Variants in IFT122 observed in about 807,000 individuals in gnomAD.
IFT122 encodes the protein intraflagellar transport protein 122 homolog.
A neutral mutation model predicts 161.6 loss-of-function variants in IFT122; 118 were observed. That is an observed-to-expected ratio of 0.73 (90% CI 0.63 to 0.85). IFT122 has a LOEUF of 0.85. IFT122 is among the 40% of genes least tolerant of loss of function. The pLI is 0.00. For missense variants in IFT122, 1,381 were observed against 1,579.6 expected (o/e 0.87, Z 2.13); for synonymous variants, 550 against 602.4 (o/e 0.91, Z 1.27).
chr3:129,516,933 C>CAT (rs2083891729), intron 26 of IFT122, among the ~76,000 whole-genome samples: 1 of 137,102 alleles, frequency 7.3e-6, no homozygotes. Context: ...CACACGGAGA[C>CAT]TGCCCCTGCA....
At chr3:129,505,073 A>AT (rs1559988169) in intron 21 of IFT122, among the ~76,000 whole-genome samples, 1 of 152,216 alleles carries the variant, frequency 6.6e-6, no homozygotes, top group Admixed American at 6.5e-5. Context: ...TATTAATCAT[A>AT]TTTTTTAAAG....
At chr3:129,475,166 A>G (rs1559902785) in intron 9 of IFT122, among the ~76,000 whole-genome samples, 2 of 152,182 alleles carry the variant, frequency 1.3e-5, no homozygotes, top group East Asian at 1.9e-4. Flanking sequence ...TCTGTGGCCA[A>G]TAAGCACATG....
At chr3:129,514,075 T>G in intron 24 of IFT122, 1 of 418,118 alleles carries the variant, frequency 2.4e-6, no homozygotes, top group Non-Finnish European at 4.6e-6. Context: ...GCTGGCAGGT[T>G]TGGTGAGGCA....
At position 129,476,445 on chromosome 3, in the gene IFT122, CTG is replaced by C; in HGVS notation, c.949_950del (p.Val317TrpfsTer51). On this transcript the variant is annotated frameshift_variant, in exon 10 of 30. Transcript: ENST00000348417. LOFTEE classifies it high-confidence loss of function. ...ACCAAGGATGGAGTGCGGCTTGGGA[CTG>C]TTGGGGAGCAGAACTCCTGGGTGTG... The C allele has an allele frequency of 6.2e-7, 1 of 1,614,086 alleles. No individual in the cohort carries two copies. Among genetic ancestry groups the C allele is most frequent in the Non-Finnish European group, 8.5e-7 (1 of 1,180,032 alleles).
rs1034202604 is a variant in IFT122, at chr3:129,519,445, T to A, written c.3472-123T>A. 36 of 1,350,798 alleles carry A rather than the reference T, an allele frequency of 2.7e-5. No homozygotes were observed. In the Admixed American group the frequency reaches 4.1e-4, roughly 15 times the overall value. The allele number at this position is 1,350,798 out of a possible 1,614,324, so 83.7% of individuals were successfully genotyped here. On this transcript the variant is annotated intron_variant, in intron 28 of 29. Coordinates refer to ENST00000348417, the MANE Select transcript of IFT122 (RefSeq NM_052989.3). ...TGGGAGGAGCTTGCCACTGTTAGGGTCACCTGGGTTTAGGAAGCAGGTCCT... is the reference window on the plus strand; with the variant it reads ...TGGGAGGAGCTTGCCACTGTTAGGGACACCTGGGTTTAGGAAGCAGGTCCT...
chr3:129,503,451 A>G (rs922650825), intron 20 of IFT122, among the ~76,000 whole-genome samples: 8 of 152,164 alleles, frequency 5.3e-5, no homozygotes, highest in Non-Finnish European at 1.2e-4. Context: ...TCAGGCTGGC[A>G]GAAGCAGCTG....
chr3:129,446,672 T>C (rs1036736121), intron 1 of IFT122, among the ~76,000 whole-genome samples: 3 of 152,200 alleles, frequency 2.0e-5, no homozygotes, highest in African/African-American at 7.2e-5. Context: ...CACTAAAATG[T>C]GTCAAACCGA....
intron 4 of IFT122, chr3:129,459,273 C>T (rs1343243443): frequency 2.2e-6 from 1 of 452,864 alleles, no homozygotes; most frequent in African/African-American, 2.0e-5. Context: ...AGAACAGATA[C>T]TGCATCTATT....
intron 13 of IFT122, 118 bp downstream of exon 13, chr3:129,480,040 T>C: frequency 7.8e-7 from 1 of 1,278,858 alleles, no homozygotes; most frequent in Non-Finnish European, 1.1e-6. Flanking sequence ...CTCTCCTCCA[T>C]GGGTGAATTG....
chr3:129,502,745 G>A lies in IFT122; in HGVS notation c.2410G>A (p.Glu804Lys), dbSNP rs1459993591. Residue 804 changes from glutamate (E) to lysine (K), a missense_variant, in exon 20 of 30, where the codon GAG (glutamate) becomes AAG (lysine). Around this residue, in one of 7 missense-constraint regions of IFT122, gnomAD observed 496 missense variants for 502.5 expected, o/e 0.99. Coordinates refer to ENST00000348417, the MANE Select transcript of IFT122 (RefSeq NM_052989.3). ...IDIARKLDKAEREPLLLCATY... is the reference protein window; with the variant it reads ...IDIARKLDKAKREPLLLCATY... ...CATCGCCCGCAAACTGGACAAGGCT[G>A]AGCGCGAGCCCCTGCTGCTGTGCGC... 6.2e-6 allele frequency: 10 copies of A among 1,610,678 alleles called. No homozygotes were observed. The highest frequency in any genetic ancestry group is 8.5e-6 in the Non-Finnish European group (10 of 1,180,022).
intron 21 of IFT122, among the ~76,000 whole-genome samples, chr3:129,505,053 T>C (rs2082049307): frequency 6.6e-6 from 1 of 152,210 alleles, no homozygotes; most frequent in Non-Finnish European, 1.5e-5. Context: ...TATAGAACTT[T>C]CGCTGATGTT....
intron 7 of IFT122, among the ~76,000 whole-genome samples, chr3:129,466,226 G>A (rs1176494891): frequency 6.6e-6 from 1 of 152,162 alleles, no homozygotes; most frequent in Non-Finnish European, 1.5e-5. Context: ...TTTACAGATG[G>A]TTGCCTACTT....
chr3:129,463,652 T>G (rs1577392709), intron 6 of IFT122, 26 bp downstream of exon 6: 3 of 1,569,912 alleles, frequency 1.9e-6, no homozygotes, highest in Non-Finnish European at 2.6e-6. Flanking sequence ...ACGATAAGAT[T>G]TATGTTCCTT....
Position 129,507,684 on chromosome 3 carries a change from C to T in IFT122, c.2808C>T (p.Asp936=). The T allele has an allele frequency of 6.2e-7, 1 of 1,614,118 alleles. No homozygotes were observed. Among genetic ancestry groups the T allele is most frequent in the Non-Finnish European group, 8.5e-7 (1 of 1,179,952 alleles). The change falls in exon 23 of 30, where the codon GAC becomes GAT. Residue 936 remains aspartate (D), a synonymous_variant. Transcript: ENST00000348417. The part of the protein sequence containing the change: ...LDIAQDPAQK[D]TMLGKFYHFQ... ...ACACAGCAGATCCTGCCCAGAAGGACACAATGCTTGGCAAGTTCTACCACT... is the reference window on the plus strand; with the variant it reads ...ACACAGCAGATCCTGCCCAGAAGGATACAATGCTTGGCAAGTTCTACCACT...
chr3:129,505,128 A>G lies in IFT122; in HGVS notation c.2650+707A>G, dbSNP rs566687266. On this transcript the variant is annotated intron_variant, in intron 21 of 29. Transcript: ENST00000348417. ...CAGGCCCTGGCTGAGCACTTAACCT[A>G]TGTAACCTTGAATCTTGCCAACAGC... Among the ~76,000 whole-genome samples, 3 of 152,282 alleles carry G rather than the reference A, an allele frequency of 2.0e-5. No homozygotes were observed. In the East Asian group the frequency reaches 5.8e-4, roughly 29 times the overall value.
intron 13 of IFT122, among the ~76,000 whole-genome samples, chr3:129,480,696 A>G (rs144627355): frequency 2.6e-5 from 4 of 152,190 alleles, no homozygotes; most frequent in East Asian, 3.9e-4. Flanking sequence ...AGCATGGACT[A>G]TGGGGTCAGG....
intron 14 of IFT122, 139 bp from the exon 15 acceptor site, chr3:129,483,346 C>T: frequency 1.3e-6 from 1 of 752,114 alleles, no homozygotes; most frequent in Non-Finnish European, 2.4e-6. Flanking sequence ...TTTGTGGTCC[C>T]CTTTCATCCT....
chr3:129,495,685 C>A, intron 18 of IFT122, 78 bp downstream of exon 18: 1 of 1,523,204 alleles, frequency 6.6e-7, no homozygotes, highest in Non-Finnish European at 9.1e-7. Context: ...AAGTTATTTT[C>A]CCCAAGAGTG....
In IFT122 at chr3:129,477,998, T is replaced by C. The variant is rs1436545528; in HGVS notation, c.1148-18T>C. 3 of 1,608,802 alleles carry C rather than the reference T, an allele frequency of 1.9e-6. No homozygotes were observed. Among genetic ancestry groups the C allele is most frequent in the Non-Finnish European group, 2.6e-6 (3 of 1,175,164 alleles). On this transcript the variant is annotated intron_variant, in intron 11 of 29. Transcript: ENST00000348417. ...ATAACAACCTCTTGCTAGAACTAGA[T>C]ATTTTTTTCTTTGACAGTTCGGATT...
Sources: gnomAD v4.1 joint callset for allele counts (sites outside exome capture counted in the v4.1 genomes callset) on GRCh38, gnomAD v4.1.1 for gene constraint, gnomAD v4.1.1 regional missense constraint, MANE v1.5 for transcripts, NCBI Gene and HGNC (gene_info 2026-07-23, HGNC 2026-07-21) for gene names.